Variants in SHISA9 observed in about 807,000 individuals in gnomAD.
SHISA9 encodes the protein shisa family member 9.
A neutral mutation model predicts 38.0 loss-of-function variants in SHISA9; 13 were observed. The ratio of observed to expected loss-of-function variants is 0.34; its 90% confidence interval spans 0.22 to 0.54. The LOEUF is 0.54. Among genes scored for constraint, SHISA9 ranks in the 20% least tolerant of loss-of-function variants. The pLI is 0.91. For missense variants in SHISA9, 538 were observed against 575.8 expected (o/e 0.93, Z 0.67); for synonymous variants, 275 against 242.0 (o/e 1.14, Z -1.27).
the SHISA9 span, among the ~76,000 whole-genome samples, chr16:13,458,870 T>G: frequency 2.0e-5 from 3 of 152,088 alleles, no homozygotes; most frequent in East Asian, 5.8e-4. Flanking sequence ...GTTTTTTGTT[T>G]TTTGTTTTTT....
intron 2 of SHISA9, among the ~76,000 whole-genome samples, chr16:13,191,357 C>A (rs1436409329): frequency 3.3e-5 from 5 of 152,166 alleles, no homozygotes; most frequent in African/African-American, 9.7e-5. Context: ...AATTCTGAGC[C>A]CAGAGAGGAC....
At chr16:13,436,869 G>A in the SHISA9 span, among the ~76,000 whole-genome samples, 1 of 152,318 alleles carries the variant, frequency 6.6e-6, no homozygotes, top group African/African-American at 2.4e-5. Context: ...ATGATTAAAA[G>A]CAAGCAAGGC....
chr16:13,125,431 G>T (rs1479054198), intron 2 of SHISA9, among the ~76,000 whole-genome samples: 2 of 152,190 alleles, frequency 1.3e-5, no homozygotes, highest in Non-Finnish European at 2.9e-5. Flanking sequence ...TGGGCAGGTA[G>T]CTTCACCTCT....
chr16:13,526,433 G>T, the SHISA9 span, among the ~76,000 whole-genome samples: 4 of 152,310 alleles, frequency 2.6e-5, no homozygotes, highest in Middle Eastern at 3.4e-3. Flanking sequence ...GCCCAGGCTA[G>T]AGTGCAGTGG....
the SHISA9 span, among the ~76,000 whole-genome samples, chr16:13,301,251 G>A: frequency 6.6e-6 from 1 of 152,178 alleles, no homozygotes; most frequent in Admixed American, 6.5e-5. Flanking sequence ...AAGGAGACGA[G>A]ATTCACACTG....
chr16:13,086,317 T>C (rs1479743534), intron 2 of SHISA9, among the ~76,000 whole-genome samples: 1 of 130,164 alleles, frequency 7.7e-6, no homozygotes, highest in Non-Finnish European at 1.5e-5. Flanking sequence ...ATCATGCCAC[T>C]GCACTCCAGC....
At chr16:13,212,090 G>C (rs1355633738) in intron 3 of SHISA9, among the ~76,000 whole-genome samples, 1 of 152,174 alleles carries the variant, frequency 6.6e-6, no homozygotes, top group Non-Finnish European at 1.5e-5. Flanking sequence ...GCCTGGGGAG[G>C]CCAGCCAGAA....
chr16:12,915,322 G>C (rs894894359), intron 1 of SHISA9, among the ~76,000 whole-genome samples: 2 of 152,164 alleles, frequency 1.3e-5, no homozygotes, highest in African/African-American at 4.8e-5. Context: ...AAACAAAGTA[G>C]CTGGGGGTGG....
downstream of SHISA9, among the ~76,000 whole-genome samples, chr16:13,242,000 C>T (rs1228669255): frequency 6.6e-6 from 1 of 152,198 alleles, no homozygotes; most frequent in East Asian, 1.9e-4. Flanking sequence ...TGGATTATAA[C>T]TCATAAACAA....
In SHISA9 at chr16:13,049,156, A is replaced by G. The variant is rs9931305; in HGVS notation, c.691+132341A>G. ...GCCATTCTAAGCTTTGGTTAGGAGT[A>G]TGTGTGTGTGTGTGTGTGTGTGTGT... On this transcript the variant is annotated intron_variant, in intron 2 of 4. Transcript: ENST00000558583. 4.2e-3 allele frequency among the ~76,000 whole-genome samples: 269 copies of G among 63,674 alleles called. 13 individuals carry two copies. The highest frequency in any genetic ancestry group is 6.8e-3 in the South Asian group (19 of 2,782). The allele number at this position is 63,674 out of a possible 152,430, so 41.8% of individuals were successfully genotyped here. A position where few individuals can be genotyped will look rare whatever the true frequency, so the allele number is the denominator to read the frequency against.
At chr16:13,328,635 CAT>C in the SHISA9 span, among the ~76,000 whole-genome samples, 2,843 of 92,852 alleles carry the variant, frequency 0.031, 69 homozygotes, top group African/African-American at 0.11. Context: ...CACACACACA[CAT>C]ATATATTGTA....
intron 2 of SHISA9, among the ~76,000 whole-genome samples, chr16:13,008,665 TCCTC>T (rs2072631007): frequency 3.8e-5 from 1 of 26,182 alleles, no homozygotes; most frequent in African/African-American, 1.5e-4. Flanking sequence ...CTCCCTCCCT[TCCTC>T]CCTCCCTCCC....
At chr16:12,975,460 G>A (rs1000856499) in intron 2 of SHISA9, among the ~76,000 whole-genome samples, 3 of 151,940 alleles carry the variant, frequency 2.0e-5, no homozygotes, top group Admixed American at 6.6e-5. Context: ...CTGAGATTGC[G>A]CCACTGCACT....
the SHISA9 span, among the ~76,000 whole-genome samples, chr16:13,272,075 A>T: frequency 8.3e-6 from 1 of 120,326 alleles, no homozygotes; most frequent in Non-Finnish European, 2.0e-5. Flanking sequence ...TCATCTCAAA[A>T]TTAAAAAAAA....
chr16:13,221,226 G>A (rs957886037), intron 4 of SHISA9, among the ~76,000 whole-genome samples: 3 of 152,104 alleles, frequency 2.0e-5, no homozygotes, highest in South Asian at 2.1e-4. Flanking sequence ...TGCAGCCTCC[G>A]CTACTTGTGT....
chr16:13,446,136 G>A, the SHISA9 span, among the ~76,000 whole-genome samples: 23 of 151,990 alleles, frequency 1.5e-4, no homozygotes, highest in East Asian at 3.9e-4. Flanking sequence ...TAGTAGAGAC[G>A]GAGTTTCCCC....
intron 2 of SHISA9, among the ~76,000 whole-genome samples, chr16:12,926,810 T>C (rs1054602327): frequency 2.0e-5 from 3 of 152,188 alleles, no homozygotes; most frequent in Non-Finnish European, 4.4e-5. Flanking sequence ...AAGCAGAACA[T>C]TTTCATGGAC....
intron 2 of SHISA9, among the ~76,000 whole-genome samples, chr16:13,090,128 A>C (rs903191033): frequency 6.6e-6 from 1 of 152,174 alleles, no homozygotes; most frequent in Non-Finnish European, 1.5e-5. Flanking sequence ...GAGTTTCTTT[A>C]TTCTGAGTTC....
In SHISA9 at chr16:12,951,463, C is replaced by T. The variant is rs546282009; in HGVS notation, c.691+34648C>T. Among the ~76,000 whole-genome samples the T allele has an allele frequency of 3.9e-5, 6 of 152,186 alleles. No homozygotes were observed. The East Asian group carries it at 7.7e-4, about 20-fold the overall frequency. On this transcript the variant is annotated intron_variant, in intron 2 of 4. Coordinates refer to ENST00000558583, the MANE Select transcript of SHISA9 (RefSeq NM_001145204.3). ...CAGTTGCAGAGGTGAAGCTGCCACA[C>T]ATAAAATATATACAAATAGGCATGG... is the stretch of plus-strand genomic sequence containing the variant.
Sources: gnomAD v4.1 joint callset for allele counts (sites outside exome capture counted in the v4.1 genomes callset) on GRCh38, gnomAD v4.1.1 for gene constraint, MANE v1.5 for transcripts, NCBI Gene and HGNC (gene_info 2026-07-23, HGNC 2026-07-21) for gene names.